Variants in CERT1 observed in about 807,000 individuals in gnomAD.
CERT1 encodes the protein ceramide transfer protein.
A neutral mutation model predicts 87.9 loss-of-function variants in CERT1; 31 were observed. That is an observed-to-expected ratio of 0.35 (90% confidence interval 0.27 to 0.48). CERT1 has a LOEUF of 0.48. Ranked by LOEUF, CERT1 falls within the 20% of genes least tolerant of loss-of-function variation. The pLI is 0.99. For synonymous variants in CERT1, 289 were observed against 250.9 expected (o/e 1.15, Z -1.44); for missense variants, 487 against 758.0 (o/e 0.64, Z 4.20).
chr5:75,468,554 G>T lies in CERT1; in HGVS notation c.232-9373C>A, dbSNP rs562854037. ...TGGTAAACTATAGCCCTCACAAAAT[G>T]GACTCAATCTCTGGCTCCCATCACT... On this transcript the variant is annotated intron_variant, in intron 2 of 16. Transcript: ENST00000643780. 1.1e-4 allele frequency among the ~76,000 whole-genome samples: 17 copies of T among 152,174 alleles called. No individual in the cohort carries two copies. In the South Asian group the frequency reaches 3.5e-3, roughly 32 times the overall value.
intron 3 of CERT1, 21 bp from the exon 4 acceptor site, chr5:75,426,499 T>C (rs749603878): frequency 2.6e-5 from 40 of 1,515,104 alleles, no homozygotes; most frequent in Non-Finnish European, 3.4e-5. Flanking sequence ...AAGTAAACTA[T>C]GTGAAAAGAA....
intron 1 of CERT1, 127 bp downstream of exon 1, chr5:75,510,985 C>G (rs1392989955): frequency 7.8e-7 from 1 of 1,282,486 alleles, no homozygotes; most frequent in African/African-American, 1.5e-5. Flanking sequence ...CTAGTCGCTG[C>G]AGCAACACTC....
intron 7 of CERT1, among the ~76,000 whole-genome samples, chr5:75,413,329 C>T (rs1763007519): frequency 6.6e-6 from 1 of 152,186 alleles, no homozygotes; most frequent in South Asian, 2.1e-4. Context: ...AAGCAAACTA[C>T]TTCTAAATAC....
At chr5:75,368,605 T>C (rs1370866647) in exon 18 of CERT1, 1 of 152,224 alleles carries the variant, frequency 6.6e-6, no homozygotes, top group Non-Finnish European at 1.5e-5. Context: ...ATAAAATCCT[T>C]GGGCTTGTTT....
intron 3 of CERT1, among the ~76,000 whole-genome samples, chr5:75,439,563 A>C (rs1489846389): frequency 6.6e-6 from 1 of 152,070 alleles, no homozygotes; most frequent in Non-Finnish European, 1.5e-5. Context: ...GTCTCTCTCC[A>C]TTTTAATTAT....
In CERT1 at chr5:75,511,508, C is replaced by A; in HGVS notation, c.-301G>T. 3 of 1,477,524 alleles carry A rather than the reference C, an allele frequency of 2.0e-6. No individual in the cohort carries two copies. Among genetic ancestry groups the A allele is most frequent in the Admixed American group, 2.5e-5 (1 of 40,532 alleles). 91.5% of individuals were successfully genotyped at this position (1,477,524 alleles called of 1,614,324 possible). On this transcript the variant is annotated 5_prime_UTR_variant, in exon 1 of 17. Transcript: ENST00000643780. ...CGCTGCCACCCGAACTTAGCCCCCT[C>A]GATGCCAATTTCAAATAGGGAAGGA...
chr5:75,457,010 C>G (rs1222009129), intron 3 of CERT1, among the ~76,000 whole-genome samples: 2 of 152,094 alleles, frequency 1.3e-5, no homozygotes, highest in Non-Finnish European at 2.9e-5. Context: ...TAATAAAAAT[C>G]AACTGATTAA....
At position 75,379,162 on chromosome 5, in the gene CERT1, A is replaced by G; in HGVS notation, c.*184T>C. The G allele has an allele frequency of 1.8e-6, 1 of 554,078 alleles. No homozygotes were observed. The highest frequency in any genetic ancestry group is 3.1e-6 in the Non-Finnish European group (1 of 318,082). 34.3% of individuals were successfully genotyped at this position (554,078 alleles called of 1,614,324 possible). A position where few individuals can be genotyped will look rare whatever the true frequency, so the allele number is the denominator to read the frequency against. On this transcript the variant is annotated 3_prime_UTR_variant, in exon 17 of 17. Transcript: ENST00000643780. The stretch of plus-strand genomic sequence containing the variant: ...GTGTCATTGCACTTCAGCTTAGGAA[A>G]CAGAGCAAGACCCTGTTTAAAACAA...
At position 75,378,508 on chromosome 5, in the gene CERT1, A is replaced by T. The variant is rs1761416991; in HGVS notation, c.*838T>A. 6.6e-6 allele frequency: 1 copy of T among 152,188 alleles called. No homozygotes were observed. The highest frequency in any genetic ancestry group is 2.4e-5 in the African/African-American group (1 of 41,450). The allele number at this position is 152,188 out of a possible 1,614,324, so 9.4% of individuals were successfully genotyped here. A position where few individuals can be genotyped will look rare whatever the true frequency, so the allele number is the denominator to read the frequency against. On this transcript the variant is annotated 3_prime_UTR_variant, in exon 17 of 17. Coordinates refer to ENST00000643780, the MANE Select transcript of CERT1 (RefSeq NM_001379029.1). Reference sequence around the variant, plus strand: ...GGTTGACAGTAAAAATATGGAACCAACTCAGACATTAACATGGGACTAGTT... The same window carrying T: ...GGTTGACAGTAAAAATATGGAACCATCTCAGACATTAACATGGGACTAGTT...
chr5:75,397,318 G>A (rs752147843), intron 11 of CERT1, among the ~76,000 whole-genome samples: 1 of 152,080 alleles, frequency 6.6e-6, no homozygotes, highest in Non-Finnish European at 1.5e-5. Context: ...ATATATTAGA[G>A]AAAAAAATCC....
intron 7 of CERT1, among the ~76,000 whole-genome samples, chr5:75,411,720 C>T (rs1288483722): frequency 2.0e-5 from 3 of 152,120 alleles, no homozygotes; most frequent in African/African-American, 7.2e-5. Context: ...GAAAAAAACC[C>T]AGGTAAATTA....
chr5:75,477,556 T>C (rs1028169132), intron 2 of CERT1, among the ~76,000 whole-genome samples: 2 of 151,088 alleles, frequency 1.3e-5, no homozygotes, highest in African/African-American at 2.4e-5. Context: ...AACTGCCTTA[T>C]TGCTTACCCT....
At chr5:75,393,424 T>C (rs6878990) in intron 11 of CERT1, among the ~76,000 whole-genome samples, 81,722 of 150,720 alleles carry the variant, frequency 0.54, 25,300 homozygotes, top group African/African-American at 0.86. Context: ...TGTTACCAAG[T>C]AGGATTTTTC....
At chr5:75,412,313 C>T (rs1241738541) in intron 7 of CERT1, among the ~76,000 whole-genome samples, 1 of 152,162 alleles carries the variant, frequency 6.6e-6, no homozygotes, top group Non-Finnish European at 1.5e-5. Context: ...GAATTAAGAA[C>T]TGCCTTGGTC....
At chr5:75,416,802 CTTGTT>C in intron 7 of CERT1, 69 bp downstream of exon 7, 1 of 1,294,554 alleles carries the variant, frequency 7.7e-7, no homozygotes. Context: ...AAGAAGTTAG[CTTGTT>C]TTAAATATTC....
intron 2 of CERT1, among the ~76,000 whole-genome samples, chr5:75,460,349 C>T (rs112203137): frequency 2.0e-5 from 3 of 152,066 alleles, no homozygotes; most frequent in African/African-American, 7.2e-5. Flanking sequence ...ACCAGGAGCA[C>T]TTCCAGCTAA....
At chr5:75,375,043 T>C (rs1052831631), downstream of CERT1, 5 of 196,760 alleles carry the variant, frequency 2.5e-5, no homozygotes, top group African/African-American at 4.8e-5. Context: ...ATTTGCATAG[T>C]TGTGTAAAAT....
intron 2 of CERT1, among the ~76,000 whole-genome samples, chr5:75,468,184 T>A (rs1765553248): frequency 6.6e-6 from 1 of 152,226 alleles, no homozygotes; most frequent in African/African-American, 2.4e-5. Context: ...TGTGGAAACA[T>A]CATTTTGAAT....
chr5:75,418,288 T>C (rs1420348168), intron 6 of CERT1, among the ~76,000 whole-genome samples: 1 of 152,030 alleles, frequency 6.6e-6, no homozygotes, highest in Non-Finnish European at 1.5e-5. Flanking sequence ...AATATGGAAA[T>C]GCAAATTAAA....
Sources: allele counts gnomAD v4.1 joint callset (sites outside exome capture counted in the v4.1 genomes callset), GRCh38; gene constraint gnomAD v4.1.1; transcripts MANE v1.5; gene names NCBI Gene and HGNC (gene_info 2026-07-23, HGNC 2026-07-21).